Variants in LUC7L2 observed in about 807,000 individuals in gnomAD.
The protein encoded by LUC7L2 is LUC7 like 2, pre-mRNA splicing factor.
In LUC7L2, 25 loss-of-function variants were observed where a neutral mutation model predicts 52.8. The ratio of observed to expected loss-of-function variants is 0.47; its 90% CI spans 0.34 to 0.66. The LOEUF is 0.66. Among genes scored for constraint, LUC7L2 ranks in the 30% least tolerant of loss-of-function variants. The probability of loss-of-function intolerance (pLI) is 0.01; values close to 1 mark genes in which losing one functional copy is unlikely to be tolerated. For synonymous variants in LUC7L2, 144 were observed against 160.9 expected (o/e 0.89, Z 0.80); for missense variants, 328 against 497.8 (o/e 0.66, Z 3.25).
chr7:139,367,547 G>C (rs1585080223), intron 1 of LUC7L2, among the ~76,000 whole-genome samples: 1 of 152,120 alleles, frequency 6.6e-6, no homozygotes, highest in East Asian at 1.9e-4. Context: ...TCCTTACTGA[G>C]TGGTATTTAA....
chr7:139,376,450 AAAT>A, intron 2 of LUC7L2, among the ~76,000 whole-genome samples: 1 of 152,332 alleles, frequency 6.6e-6, no homozygotes, highest in African/African-American at 2.4e-5. Context: ...TTCAGAAATA[AAAT>A]AATTTATTTT....
At chr7:139,350,970 G>A (rs759135636) in intron 1 of LUC7L2, among the ~76,000 whole-genome samples, 1 of 152,086 alleles carries the variant, frequency 6.6e-6, no homozygotes, top group African/African-American at 2.4e-5. Context: ...CACTGCGCCT[G>A]GCCCACATTC....
intron 1 of LUC7L2, chr7:139,375,395 A>G (rs1400096189): frequency 5.1e-6 from 5 of 985,292 alleles, no homozygotes; most frequent in Middle Eastern, 5.2e-4. Flanking sequence ...TGGACGCATT[A>G]AAGTTAACGT....
intron 2 of LUC7L2, among the ~76,000 whole-genome samples, chr7:139,381,331 C>G (rs1488615152): frequency 6.6e-6 from 1 of 151,532 alleles, no homozygotes. Flanking sequence ...CTAGTTCGTT[C>G]TATTTCAACT....
intron 2 of LUC7L2, among the ~76,000 whole-genome samples, chr7:139,397,999 T>C (rs1008542618): frequency 6.6e-6 from 1 of 152,084 alleles, no homozygotes; most frequent in African/African-American, 2.4e-5. Context: ...ACAGTCTTGT[T>C]TTGTTGTGGG....
intron 2 of LUC7L2, among the ~76,000 whole-genome samples, chr7:139,379,781 G>A (rs1800904053): frequency 6.6e-6 from 1 of 151,724 alleles, no homozygotes; most frequent in Admixed American, 6.6e-5. Flanking sequence ...GGCCAGGCTG[G>A]TTTTGAACTC....
At position 139,423,224 on chromosome 7, in the gene LUC7L2, A is replaced by G. The variant is rs1050336631; in HGVS notation, c.*884A>G. ...ACTATTTGCTGTGGGCATTTCCTCT[A>G]TTCTGTTACGTCATTAACAGTGCCT... On this transcript the variant is annotated 3_prime_UTR_variant, in exon 10 of 10. Transcript: ENST00000354926. 5 of 398,894 alleles carry G rather than the reference A, an allele frequency of 1.3e-5. No homozygotes were observed. Among genetic ancestry groups the G allele is most frequent in the Non-Finnish European group, 1.8e-5 (4 of 226,054 alleles). The allele number at this position is 398,894 out of a possible 1,614,324, so 24.7% of individuals were successfully genotyped here.
At chr7:139,418,223 A>G (rs1795714795) in intron 9 of LUC7L2, among the ~76,000 whole-genome samples, 1 of 120,378 alleles carries the variant, frequency 8.3e-6, no homozygotes, top group African/African-American at 5.9e-5. Context: ...TTGGCAAGGC[A>G]GACTAATAAG....
intron 1 of LUC7L2, among the ~76,000 whole-genome samples, chr7:139,364,392 A>G (rs1284183369): frequency 6.6e-6 from 1 of 152,158 alleles, no homozygotes; most frequent in East Asian, 1.9e-4. Flanking sequence ...CTCCAAAACA[A>G]CAAGTAGACT....
At chr7:139,398,133 A>G (rs967600127) in intron 2 of LUC7L2, among the ~76,000 whole-genome samples, 6 of 152,242 alleles carry the variant, frequency 3.9e-5, no homozygotes, top group African/African-American at 1.2e-4. Context: ...TGCTGGGATT[A>G]CAGGCATGAG....
intron 9 of LUC7L2, among the ~76,000 whole-genome samples, chr7:139,418,190 A>G (rs1442675374): frequency 6.6e-6 from 1 of 150,698 alleles, no homozygotes; most frequent in Non-Finnish European, 1.5e-5. Flanking sequence ...CACTATAGAT[A>G]TGTATTGTTA....
chr7:139,342,344 T>C (rs1799024621), intron 1 of LUC7L2, among the ~76,000 whole-genome samples: 1 of 152,176 alleles, frequency 6.6e-6, no homozygotes, highest in Non-Finnish European at 1.5e-5. Context: ...ACCTGAAGGC[T>C]AATTTGGAGT....
intron 1 of LUC7L2, among the ~76,000 whole-genome samples, chr7:139,343,446 C>T (rs1443681060): frequency 6.6e-6 from 1 of 152,130 alleles, no homozygotes; most frequent in African/African-American, 2.4e-5. Flanking sequence ...GCGTGATGGC[C>T]CATCCTCTAG....
intron 1 of LUC7L2, among the ~76,000 whole-genome samples, chr7:139,349,614 TCC>T (rs10581534): frequency 0.25 from 32,964 of 134,358 alleles, 3,903 homozygotes; most frequent in Middle Eastern, 0.38. Flanking sequence ...TGTCAACTGC[TCC>T]CCCCCCCCCC....
chr7:139,342,650 C>CG (rs1297359325), intron 1 of LUC7L2, among the ~76,000 whole-genome samples: 1 of 152,080 alleles, frequency 6.6e-6, no homozygotes, highest in Admixed American at 6.6e-5. Flanking sequence ...TTAGTGGAGA[C>CG]GGGGTTTCTC....
In LUC7L2 at chr7:139,402,133, G is replaced by A. The variant is rs1487877707; in HGVS notation, c.256-4G>A. ...CAGTAATTGTCTTTAATTAAACTTT[G>A]TAGGCCATGGATCATCTGCAGTCAT... On this transcript the variant is annotated splice_region_variant and splice_polypyrimidine_tract_variant and intron_variant, in intron 3 of 9. Transcript: ENST00000354926. 6.3e-7 allele frequency: 1 copy of A among 1,578,180 alleles called. No homozygotes were observed. The highest frequency in any genetic ancestry group is 2.0e-5 in the Admixed American group (1 of 49,054).
chr7:139,359,733 A>C, upstream of LUC7L2: 1 of 399,628 alleles, frequency 2.5e-6, no homozygotes, highest in South Asian at 1.2e-4. Context: ...AAGGAACCAG[A>C]GTATCGCGAG....
intron 2 of LUC7L2, among the ~76,000 whole-genome samples, chr7:139,385,501 T>C (rs558292714): frequency 6.6e-6 from 1 of 151,992 alleles, no homozygotes; most frequent in Non-Finnish European, 1.5e-5. Context: ...TTAAAATTTC[T>C]GTAGAGAGAG....
chr7:139,414,154 C>G (rs1259683983), intron 8 of LUC7L2, among the ~76,000 whole-genome samples: 2 of 152,182 alleles, frequency 1.3e-5, no homozygotes, highest in Non-Finnish European at 2.9e-5. Flanking sequence ...TCACCTCATT[C>G]TATTTTTCAC....
Sources: gnomAD v4.1 joint callset for allele counts (sites outside exome capture counted in the v4.1 genomes callset) on GRCh38, gnomAD v4.1.1 for gene constraint, MANE v1.5 for transcripts, NCBI Gene and HGNC (gene_info 2026-07-23, HGNC 2026-07-21) for gene names.